The following COL12A1 variants were observed in gnomAD, a reference collection of about 807,000 sequenced individuals.
The protein encoded by COL12A1 is collagen alpha-1(XII) chain.
Under a neutral mutation model 349.7 loss-of-function variants are expected in COL12A1, and 114 were observed. The ratio of observed to expected loss-of-function variants is 0.33; its 90% CI spans 0.28 to 0.38. The LOEUF is 0.38. Ranked by LOEUF, COL12A1 falls within the 10% of genes least tolerant of loss-of-function variation. The probability of loss-of-function intolerance (pLI) is 1.00; values close to 1 mark genes in which losing one functional copy is unlikely to be tolerated. For missense variants in COL12A1, 3,284 were observed against 3,756.9 expected (o/e 0.87, Z 3.29); for synonymous variants, 1,369 against 1,329.0 (o/e 1.03, Z -0.66).
chr6:75,142,236 C>G, intron 26 of COL12A1, 75 bp from the exon 27 acceptor site: 3 of 1,529,800 alleles, frequency 2.0e-6, no homozygotes, highest in Non-Finnish European at 2.7e-6. Flanking sequence ...GTTTACTGTA[C>G]CTGTCAGCGT....
intron 11 of COL12A1, among the ~76,000 whole-genome samples, chr6:75,178,385 G>A (rs140087452): frequency 1.1e-4 from 16 of 152,126 alleles, no homozygotes; most frequent in Admixed American, 3.9e-4. Context: ...CAACCAAACC[G>A]TCTTATCCAG....
chr6:75,189,116 C>A (rs1769789528), intron 7 of COL12A1, 101 bp downstream of exon 7: 3 of 1,286,658 alleles, frequency 2.3e-6, no homozygotes, highest in Non-Finnish European at 3.2e-6. Context: ...GTAAACACTT[C>A]TAATAGCATC....
rs1767395423 is a variant in COL12A1 at position 75,084,704 on chromosome 6, T to C, written c.*1843A>G. ...TACGAGCATTCTATGCCCCGGCGTA[T>C]AACAGAGATAGAAGAGGAAGATAAG... On this transcript the variant is annotated 3_prime_UTR_variant, in exon 66 of 66. Transcript: ENST00000322507. 1 of 156,342 alleles carries C rather than the reference T, an allele frequency of 6.4e-6. No individual in the cohort carries two copies. Among genetic ancestry groups the C allele is most frequent in the Admixed American group, 6.2e-5 (1 of 16,142 alleles). The allele number at this position is 156,342 out of a possible 1,614,324, so 9.7% of individuals were successfully genotyped here.
At chr6:75,189,925 A>AATTGGTGAATATGTTC in intron 5 of COL12A1, 110 bp from the exon 6 acceptor site, 1 of 1,165,910 alleles carries the variant, frequency 8.6e-7, no homozygotes, top group Non-Finnish European at 1.2e-6. Context: ...TCATTAGAAC[A>AATTGGTGAATATGTTC]TATTCACCAA....
intron 37 of COL12A1, among the ~76,000 whole-genome samples, chr6:75,128,706 A>AT (rs1336152886): frequency 1.3e-5 from 2 of 152,194 alleles, no homozygotes; most frequent in Non-Finnish European, 2.9e-5. Context: ...AAGCAATGCC[A>AT]TGTGTGCTTC....
Position 75,137,516 on chromosome 6 carries a change from T to C in COL12A1, c.5315A>G (p.Lys1772Arg). ...YNATSNSLTV[K>R]WDPASGRVQK... The stretch of plus-strand genomic sequence containing the variant: ...CACACGACCACTAGCAGGATCCCAC[T>C]TAACAGTCAGGCTGTTAGATGTTGC... The change falls in exon 31 of 66, where the codon AAG becomes AGG. Residue 1772 changes from lysine to arginine, a missense_variant. Physicochemically the swap from Lys to Arg is conservative, Grantham distance 26 (BLOSUM62 2). This residue lies in a region of COL12A1 where 2,601 missense variants were observed against 2,824.8 expected (regional missense o/e 0.92). Transcript: ENST00000322507. 1 of 1,613,850 alleles carries C rather than the reference T, an allele frequency of 6.2e-7. No individual in the cohort carries two copies. The highest frequency in any genetic ancestry group is 2.2e-5 in the East Asian group (1 of 44,846).
chr6:75,166,477 T>C (rs1345739374), intron 13 of COL12A1, among the ~76,000 whole-genome samples: 2 of 152,206 alleles, frequency 1.3e-5, no homozygotes, highest in African/African-American at 4.8e-5. Context: ...TACTAAATTT[T>C]GGCTCTTTCA....
At chr6:75,113,792 A>G in intron 49 of COL12A1, 48 bp from the exon 50 acceptor site, 1 of 1,402,564 alleles carries the variant, frequency 7.1e-7, no homozygotes, top group South Asian at 1.5e-5. Context: ...AGAAAAAAAG[A>G]AAGGAAGAAA....
At chr6:75,107,017 T>C (rs1168609023) in intron 52 of COL12A1, among the ~76,000 whole-genome samples, 1 of 148,882 alleles carries the variant, frequency 6.7e-6, no homozygotes, top group Non-Finnish European at 1.5e-5. Context: ...TTTTCGTGCC[T>C]CAGTCTCCCG....
At chr6:75,131,801 C>T in intron 35 of COL12A1, 139 bp downstream of exon 35, 1 of 950,180 alleles carries the variant, frequency 1.1e-6, no homozygotes, top group East Asian at 2.7e-5. Context: ...AATACACCTA[C>T]CTCAAGTCAT....
chr6:75,152,120 T>G lies in COL12A1; in HGVS notation c.3835+11A>C. ...CATGAGCTGAAAGACTGTCAGACAG[T>G]CCTTACTCACCTGTGAGAGTATTGC... is the stretch of plus-strand genomic sequence containing the variant. On this transcript the variant is annotated intron_variant, in intron 19 of 65. Transcript: ENST00000322507. 3 of 1,613,748 alleles carry G rather than the reference T, an allele frequency of 1.9e-6. No homozygotes were observed. The highest frequency in any genetic ancestry group is 1.7e-6 in the Non-Finnish European group (2 of 1,179,780).
Position 75,145,338 on chromosome 6 carries a change from G to T in COL12A1, c.4678C>A (p.Arg1560=). 1 of 1,608,984 alleles carries T rather than the reference G, an allele frequency of 6.2e-7. No individual in the cohort carries two copies. Among genetic ancestry groups the T allele is most frequent in the African/African-American group, 1.3e-5 (1 of 74,922 alleles). The part of the protein sequence containing the change: ...HDLTSEPVTV[R]EVTLPLPRPQ... ...AGCAGTAGCTTACAGGTGACTTCCC[G>T]AACAGTGACAGGTTCACTAGTGAGG... The change falls in exon 25 of 66, where the codon CGG becomes AGG. Residue 1560 remains arginine (R), a synonymous_variant. Coordinates refer to ENST00000322507, the MANE Select transcript of COL12A1 (RefSeq NM_004370.6).
chr6:75,200,622 T>C (rs1342293740), intron 2 of COL12A1, among the ~76,000 whole-genome samples: 1 of 152,068 alleles, frequency 6.6e-6, no homozygotes, highest in Non-Finnish European at 1.5e-5. Flanking sequence ...AAGTATAAAA[T>C]ACACACCCAA....
chr6:75,088,204 C>T (rs926646543), intron 64 of COL12A1, among the ~76,000 whole-genome samples: 3 of 152,176 alleles, frequency 2.0e-5, no homozygotes, highest in Non-Finnish European at 4.4e-5. Flanking sequence ...AGCCATAGGG[C>T]TGTCCTTGGT....
chr6:75,115,987 A>C lies in COL12A1; in HGVS notation c.7558+32T>G, dbSNP rs760806698. On this transcript the variant is annotated intron_variant, in intron 48 of 65. Transcript: ENST00000322507. ...TAATTATTTTATTGCTTAAATCTGG[A>C]AATTAATTTGCCCCAAAGTATAAAT... 1.3e-5 allele frequency: 21 copies of C among 1,612,786 alleles called. No homozygotes were observed. The Admixed American group carries it at 2.3e-4, about 18-fold the overall frequency.
rs757917876 is a variant in COL12A1 at position 75,155,848 on chromosome 6, C to T, written c.3257G>A (p.Arg1086Gln). 6.3e-6 allele frequency: 10 copies of T among 1,592,734 alleles called. No homozygotes were observed. The highest frequency in any genetic ancestry group is 4.6e-5 in the South Asian group (4 of 87,314). The change falls in exon 16 of 66, where the codon CGG (arginine) becomes CAG (glutamine). Residue 1086 changes from arginine to glutamine, a missense_variant. By Grantham distance (43) the Arg-to-Gln change is conservative. Transcript: ENST00000322507. ...TTTGAGGTTTCTAGGAGACTTAAAC[C>T]GAGAAGCTGTAAAGACAAAAAGATT... is the stretch of plus-strand genomic sequence containing the variant. ...LRQGSGTTAS[R>Q]FKSPRNLKTS...
chr6:75,193,831 G>T (rs1250716857), intron 3 of COL12A1, among the ~76,000 whole-genome samples: 1 of 151,882 alleles, frequency 6.6e-6, no homozygotes, highest in African/African-American at 2.4e-5. Flanking sequence ...GCGGTGTTTG[G>T]TTTTTTGTCT....
intron 9 of COL12A1, 41 bp from the exon 10 acceptor site, chr6:75,183,693 T>G: frequency 1.3e-6 from 2 of 1,554,638 alleles, no homozygotes; most frequent in South Asian, 1.3e-5. Context: ...CAATACATAT[T>G]AATCATTAAA....
intron 14 of COL12A1, among the ~76,000 whole-genome samples, chr6:75,157,948 G>A (rs528539524): frequency 6.6e-6 from 1 of 152,210 alleles, no homozygotes; most frequent in South Asian, 2.1e-4. Flanking sequence ...GTCCTAAACT[G>A]AAACAGTTTA....
Sources: gnomAD v4.1 joint callset for allele counts (sites outside exome capture counted in the v4.1 genomes callset) on GRCh38, gnomAD v4.1.1 for gene constraint, gnomAD v4.1.1 regional missense constraint, MANE v1.5 for transcripts, NCBI Gene and HGNC (gene_info 2026-07-23, HGNC 2026-07-21) for gene names.